SYDE2: variants seen among roughly 807,000 people sequenced by gnomAD.
SYDE2 encodes synapse defective Rho GTPase homolog 2.
A neutral mutation model predicts 91.5 loss-of-function variants in SYDE2; 76 were observed. The ratio of observed to expected loss-of-function variants is 0.83; its 90% CI spans 0.69 to 1.01. The LOEUF is 1.01. Among genes scored for constraint, SYDE2 ranks in the 50% least tolerant of loss-of-function variants. The pLI, the probability that SYDE2 is intolerant of heterozygous loss-of-function variation, is 0.00. For missense variants in SYDE2, 1,364 were observed against 1,367.7 expected (o/e 1.00, Z 0.04); for synonymous variants, 513 against 506.4 (o/e 1.01, Z -0.18).
chr1:85,192,606 A>G (rs1658413405), intron 1 of SYDE2, among the ~76,000 whole-genome samples: 1 of 152,170 alleles, frequency 6.6e-6, no homozygotes, highest in African/African-American at 2.4e-5. Context: ...CCAGGCATTT[A>G]TTTACTCCAC....
intron 4 of SYDE2, among the ~76,000 whole-genome samples, chr1:85,169,946 ATAAG>A (rs1166924864): frequency 1.3e-5 from 2 of 152,148 alleles, no homozygotes; most frequent in African/African-American, 2.4e-5. Flanking sequence ...GTTGTTATAT[ATAAG>A]TAAGGTAGGT....
Position 85,190,494 on chromosome 1 carries a change from T to G in SYDE2, c.1004A>C (p.Lys335Thr). Residue 335 changes from lysine (K) to threonine (T), a missense_variant, in exon 2 of 7, where the codon AAA (lysine) becomes ACA (threonine). By Grantham distance (78) the Lys-to-Thr change is moderately conservative (BLOSUM62 -1). Transcript: ENST00000341460. The part of the protein sequence containing the change: ...QLSQSFLKSS[K>T]EYCTYVVCNA... ...ACATACCACATATGTACAGTACTCT[T>G]TAGATGATTTGAGGAAAGACTGTGA... 1.2e-6 allele frequency: 2 copies of G among 1,614,018 alleles called. No homozygotes were observed. The highest frequency in any genetic ancestry group is 1.7e-6 in the Non-Finnish European group (2 of 1,179,872).
Position 85,157,201 on chromosome 1 carries a change from T to A in SYDE2, c.*1549A>T, listed in dbSNP as rs921271511. 1.1e-4 allele frequency: 16 copies of A among 152,096 alleles called. No homozygotes were observed. The highest frequency in any genetic ancestry group is 2.1e-4 in the Non-Finnish European group (14 of 67,940). 9.4% of individuals were successfully genotyped at this position (152,096 alleles called of 1,614,324 possible). A position where few individuals can be genotyped will look rare whatever the true frequency, so the allele number is the denominator to read the frequency against. On this transcript the variant is annotated 3_prime_UTR_variant, in exon 7 of 7. Coordinates refer to ENST00000341460, the MANE Select transcript of SYDE2 (RefSeq NM_032184.2). ...AAACATCAGGAAGCCAGTTTTTCAA[T>A]GGCTGCCATGTCTTAAAAGTTGGTA...
chr1:85,183,620 G>A (rs539095437), intron 2 of SYDE2, among the ~76,000 whole-genome samples: 97 of 152,108 alleles, frequency 6.4e-4, no homozygotes, highest in Admixed American at 1.2e-3. Context: ...TCTTTATAGA[G>A]AAAAAAACTA....
At chr1:85,194,514 C>T (rs921999411) in intron 1 of SYDE2, among the ~76,000 whole-genome samples, 1 of 144,414 alleles carries the variant, frequency 6.9e-6, no homozygotes, top group Non-Finnish European at 1.5e-5. Flanking sequence ...GTTATATATA[C>T]ACACACACAT....
chr1:85,167,890 G>A (rs906495778), intron 5 of SYDE2, among the ~76,000 whole-genome samples: 3 of 152,050 alleles, frequency 2.0e-5, no homozygotes, highest in African/African-American at 7.2e-5. Context: ...AAGGTGGGCA[G>A]ATCACTGGAG....
chr1:85,191,357 G>GGTA (rs1658356654), intron 1 of SYDE2, among the ~76,000 whole-genome samples: 1 of 152,186 alleles, frequency 6.6e-6, no homozygotes. Flanking sequence ...ATTAGAAGCA[G>GGTA]GTATGCTGTC....
downstream of SYDE2, among the ~76,000 whole-genome samples, chr1:85,156,151 A>G (rs1026875639): frequency 2.6e-5 from 4 of 152,218 alleles, no homozygotes; most frequent in Non-Finnish European, 5.9e-5. Context: ...ATTGGTGTGG[A>G]TGGCAGACAG....
At chr1:85,199,624 GTTTC>G (rs1658730462) in intron 1 of SYDE2, among the ~76,000 whole-genome samples, 1 of 152,022 alleles carries the variant, frequency 6.6e-6, no homozygotes, top group South Asian at 2.1e-4. Context: ...CTTTGTTGAG[GTTTC>G]TTTGTCGGGG....
In SYDE2 at chr1:85,200,848, C is replaced by T; in HGVS notation, c.149G>A (p.Gly50Glu). The change falls in exon 1 of 7, where the codon GGA becomes GAA. Residue 50 changes from glycine (G) to glutamate (E), a missense_variant. Transcript: ENST00000341460. Reference protein sequence around the residue: ...RRACPRDGERGGGGRPRQQVS... With the variant: ...RRACPRDGEREGGGRPRQQVS... ...CTGCTGCCGAGGGCGTCCGCCGCCT[C>T]CCCGCTCCCCGTCCCGGGGGCAGGC... 7.2e-7 allele frequency: 1 copy of T among 1,380,840 alleles called. No individual in the cohort carries two copies. The highest frequency in any genetic ancestry group is 9.3e-7 in the Non-Finnish European group (1 of 1,076,246). The allele number at this position is 1,380,840 out of a possible 1,614,324, so 85.5% of individuals were successfully genotyped here.
Position 85,180,419 on chromosome 1 carries a change from C to T in SYDE2, c.2544+1679G>A, listed in dbSNP as rs1570253486. On this transcript the variant is annotated intron_variant, in intron 3 of 6. Transcript: ENST00000341460. ...AAAAAGTACAGTTCTAGGCCGGACG[C>T]GGTGGCTCACACCTGTAATCCCAGC... Among the ~76,000 whole-genome samples the T allele has an allele frequency of 3.3e-5, 5 of 151,942 alleles. 1 individual carries two copies. The South Asian group carries it at 8.3e-4, about 25-fold the overall frequency.
At chr1:85,163,512 T>A (rs1201864144) in intron 6 of SYDE2, among the ~76,000 whole-genome samples, 4 of 138,138 alleles carry the variant, frequency 2.9e-5, no homozygotes, top group African/African-American at 7.8e-5. Context: ...ATTGACTGAG[T>A]GCTCACTTTG....
intron 2 of SYDE2, among the ~76,000 whole-genome samples, chr1:85,185,667 T>C (rs1658108959): frequency 6.6e-6 from 1 of 152,218 alleles, no homozygotes; most frequent in Admixed American, 6.5e-5. Flanking sequence ...GAGACTTTGC[T>C]GAAGTTGCTT....
At chr1:85,193,029 C>T (rs1047491853) in intron 1 of SYDE2, among the ~76,000 whole-genome samples, 2 of 152,156 alleles carry the variant, frequency 1.3e-5, no homozygotes, top group Non-Finnish European at 2.9e-5. Flanking sequence ...TTCAAGAGTA[C>T]CTTGTTGGTA....
chr1:85,172,707 A>G (rs1158221036), intron 4 of SYDE2, among the ~76,000 whole-genome samples: 1 of 152,130 alleles, frequency 6.6e-6, no homozygotes, highest in Non-Finnish European at 1.5e-5. Flanking sequence ...AGGTCGCAGT[A>G]AGGAAATGAA....
At chr1:85,163,175 C>T (rs948097589) in intron 6 of SYDE2, among the ~76,000 whole-genome samples, 4 of 149,932 alleles carry the variant, frequency 2.7e-5, no homozygotes, top group South Asian at 2.1e-4. Context: ...TCCGCAATCT[C>T]GGCTCACTGC....
chr1:85,152,844 G>T (rs902516734), downstream of SYDE2: 2 of 152,194 alleles, frequency 1.3e-5, no homozygotes, highest in African/African-American at 4.8e-5. Flanking sequence ...TGTGGGTGTA[G>T]TTTTTTAAAC....
rs765269771 is a variant in SYDE2 at position 85,159,124 on chromosome 1, C to G, written c.3211G>C (p.Gly1071Arg). 3 of 780,830 alleles carry G rather than the reference C, an allele frequency of 3.8e-6. No homozygotes were observed. Among genetic ancestry groups the G allele is most frequent in the African/African-American group, 1.7e-5 (1 of 59,250 alleles). The allele number at this position is 780,830 out of a possible 1,614,324, so 48.4% of individuals were successfully genotyped here. ...MLNLSGTDSS[G>R]VLRPRQNRLD... The stretch of plus-strand genomic sequence containing the variant: ...CGGTTTTGCCTTGGCCTAAGTACTC[C>G]TGATGAATCAGTACCACTCAAATTT... The change falls in exon 7 of 7, where the codon GGA (glycine) becomes CGA (arginine). Residue 1071 changes from glycine to arginine, a missense_variant. Physicochemically the swap from Gly to Arg is moderately radical, Grantham distance 125. Transcript: ENST00000341460.
intron 6 of SYDE2, 99 bp from the exon 7 acceptor site, chr1:85,159,348 C>T (rs1656981057): frequency 2.9e-6 from 2 of 679,446 alleles, no homozygotes; most frequent in Non-Finnish European, 5.2e-6. Flanking sequence ...CAACTACAAA[C>T]ATGCATTAAA....
Sources: gnomAD v4.1 joint callset for allele counts (sites outside exome capture counted in the v4.1 genomes callset) on GRCh38, gnomAD v4.1.1 for gene constraint, MANE v1.5 for transcripts, NCBI Gene and HGNC (gene_info 2026-07-23, HGNC 2026-07-21) for gene names.